Variants in B3GALT1 observed in about 807,000 individuals in gnomAD.
B3GALT1 encodes the protein UDP-Gal:betaGlcNAc beta 1,3-galactosyltransferase, polypeptide 1.
Under a neutral mutation model 23.2 loss-of-function variants are expected in B3GALT1, and 10 were observed. That is an observed-to-expected ratio of 0.43 (90% CI 0.27 to 0.73). The LOEUF (loss-of-function observed/expected upper bound fraction) is 0.73. B3GALT1 is among the 30% of genes least tolerant of loss of function. The probability of loss-of-function intolerance (pLI) is 0.21; values close to 1 mark genes in which losing one functional copy is unlikely to be tolerated. For missense variants in B3GALT1, 299 were observed against 405.4 expected, an observed-to-expected ratio of 0.74 and a Z score of 2.25; for synonymous variants, 156 against 141.5, an observed-to-expected ratio of 1.10 and a Z score of -0.73.
chr2:167,374,937 G>A (rs1175381909), intron 1 of B3GALT1, among the ~76,000 whole-genome samples: 1 of 151,608 alleles, frequency 6.6e-6, no homozygotes, highest in Non-Finnish European at 1.5e-5. Context: ...GTCTAGAATA[G>A]TGTTTTCTTC....
chr2:167,589,056 C>T (rs1684628807), intron 2 of B3GALT1, among the ~76,000 whole-genome samples: 1 of 152,068 alleles, frequency 6.6e-6, no homozygotes, highest in African/African-American at 2.4e-5. Flanking sequence ...ATCCTCCCAA[C>T]TTAGCTTCCC....
rs77238840 is a variant in B3GALT1 at position 167,870,637 on chromosome 2, A to T, written c.*617A>T. Reference sequence around the variant, plus strand: ...GGAAGACAACTCTGCTTGCTCATCCAAGGATTAAATCTGGTCAGCAGGTGG... The same window carrying T: ...GGAAGACAACTCTGCTTGCTCATCCTAGGATTAAATCTGGTCAGCAGGTGG... On this transcript the variant is annotated 3_prime_UTR_variant, in exon 5 of 5. Transcript: ENST00000392690. The T allele has an allele frequency of 6.0e-6, 1 of 167,106 alleles. No homozygotes were observed. The highest frequency in any genetic ancestry group is 2.4e-5 in the African/African-American group (1 of 41,454). 10.4% of individuals were successfully genotyped at this position (167,106 alleles called of 1,614,324 possible).
At chr2:167,357,982 T>C (rs186115711) in intron 1 of B3GALT1, among the ~76,000 whole-genome samples, 139 of 152,370 alleles carry the variant, frequency 9.1e-4, no homozygotes, top group African/African-American at 3.0e-3. Context: ...TATTTGAATA[T>C]ATCTTCACAA....
At chr2:167,374,795 C>A (rs1697737373) in intron 1 of B3GALT1, among the ~76,000 whole-genome samples, 1 of 151,764 alleles carries the variant, frequency 6.6e-6, no homozygotes, top group South Asian at 2.1e-4. Flanking sequence ...TGTAGGTTGT[C>A]TGTTTACTCT....
At chr2:167,404,532 T>C (rs1354822438) in intron 1 of B3GALT1, among the ~76,000 whole-genome samples, 1 of 152,240 alleles carries the variant, frequency 6.6e-6, no homozygotes, top group African/African-American at 2.4e-5. Flanking sequence ...GTTTACCTGG[T>C]ACTTTTTGAC....
intron 2 of B3GALT1, among the ~76,000 whole-genome samples, chr2:167,516,228 A>C (rs564066642): frequency 1.3e-5 from 2 of 151,992 alleles, no homozygotes; most frequent in African/African-American, 4.8e-5. Context: ...TTTGCTTTCT[A>C]TCAGGCCCTT....
intron 1 of B3GALT1, among the ~76,000 whole-genome samples, chr2:167,304,640 CAG>C (rs953111641): frequency 4.0e-5 from 6 of 151,106 alleles, no homozygotes; most frequent in Middle Eastern, 3.4e-3. Flanking sequence ...AAAAGAGAGA[CAG>C]AGAGAGGAGA....
In B3GALT1 at chr2:167,427,739, G is replaced by T. The variant is rs145400017; in HGVS notation, c.-510-62438G>T. The stretch of plus-strand genomic sequence containing the variant: ...TGTAGAGATGGAGTTTTGCTATGTT[G>T]CCCAGGCCGGTCTCAAACTCCTGGA... On this transcript the variant is annotated intron_variant, in intron 1 of 4. Coordinates refer to ENST00000392690, the MANE Select transcript of B3GALT1 (RefSeq NM_020981.4). Among the ~76,000 whole-genome samples, 536 of 152,136 alleles carry T rather than the reference G, an allele frequency of 3.5e-3. 2 individuals carry two copies. The highest frequency in any genetic ancestry group is 0.012 in the African/African-American group (509 of 41,490).
At chr2:167,348,971 T>G (rs1697266368) in intron 1 of B3GALT1, among the ~76,000 whole-genome samples, 1 of 152,188 alleles carries the variant, frequency 6.6e-6, no homozygotes, top group South Asian at 2.1e-4. Flanking sequence ...CAGAGGATTT[T>G]GCACCTAGGA....
At chr2:167,588,856 T>C (rs1382860203) in intron 2 of B3GALT1, among the ~76,000 whole-genome samples, 1 of 143,606 alleles carries the variant, frequency 7.0e-6, no homozygotes, top group African/African-American at 2.7e-5. Flanking sequence ...TTTCCTTCCT[T>C]CCTTCCTTCT....
intron 1 of B3GALT1, among the ~76,000 whole-genome samples, chr2:167,455,611 C>T (rs1330568554): frequency 6.6e-6 from 1 of 152,126 alleles, no homozygotes; most frequent in Non-Finnish European, 1.5e-5. Context: ...CCTCCAGGTT[C>T]AAGAGATTCT....
intron 2 of B3GALT1, among the ~76,000 whole-genome samples, chr2:167,612,714 G>T (rs1685090158): frequency 1.3e-5 from 2 of 151,892 alleles, no homozygotes; most frequent in South Asian, 4.1e-4. Context: ...AAATTGTAAA[G>T]AATATCCTTT....
chr2:167,547,724 A>T (rs1683664897), intron 2 of B3GALT1, among the ~76,000 whole-genome samples: 1 of 151,486 alleles, frequency 6.6e-6, no homozygotes, highest in Non-Finnish European at 1.5e-5. Flanking sequence ...GAAGAGTCAC[A>T]GAGGCAGTGA....
intron 3 of B3GALT1, among the ~76,000 whole-genome samples, chr2:167,759,395 A>G (rs1222503323): frequency 6.6e-6 from 1 of 152,256 alleles, no homozygotes; most frequent in Non-Finnish European, 1.5e-5. Flanking sequence ...GTCTGATGCT[A>G]TGTGGAGAAC....
intron 2 of B3GALT1, among the ~76,000 whole-genome samples, chr2:167,642,709 T>A (rs1685674663): frequency 6.6e-6 from 1 of 152,164 alleles, no homozygotes; most frequent in Admixed American, 6.5e-5. Context: ...TTATTTTTCT[T>A]CTCATATATT....
chr2:167,666,854 G>C (rs907784580), intron 3 of B3GALT1, among the ~76,000 whole-genome samples: 7 of 152,178 alleles, frequency 4.6e-5, no homozygotes, highest in African/African-American at 1.7e-4. Context: ...CTCTGCCTGT[G>C]AGATGGGTTT....
chr2:167,868,108 T>C (rs1446754247), intron 4 of B3GALT1, among the ~76,000 whole-genome samples: 1 of 152,242 alleles, frequency 6.6e-6, no homozygotes, highest in African/African-American at 2.4e-5. Context: ...CCAAAATAAA[T>C]GCTGCCAGCT....
At chr2:167,340,521 A>T (rs1697131233) in intron 1 of B3GALT1, among the ~76,000 whole-genome samples, 1 of 152,172 alleles carries the variant, frequency 6.6e-6, no homozygotes, top group African/African-American at 2.4e-5. Context: ...TTTATTGCTG[A>T]GGAGACAAAT....
intron 4 of B3GALT1, among the ~76,000 whole-genome samples, chr2:167,828,135 C>G (rs775801223): frequency 3.9e-5 from 6 of 152,170 alleles, no homozygotes; most frequent in Non-Finnish European, 7.3e-5. Flanking sequence ...TCCCTGGCAC[C>G]TATTCCTGGG....
Sources: gnomAD v4.1 joint callset for allele counts (sites outside exome capture counted in the v4.1 genomes callset) on GRCh38, gnomAD v4.1.1 for gene constraint, MANE v1.5 for transcripts, NCBI Gene and HGNC (gene_info 2026-07-23, HGNC 2026-07-21) for gene names.